RBFOX1: variants seen among roughly 807,000 people sequenced by gnomAD.
RBFOX1 encodes the protein RNA binding protein fox-1 homolog 1.
In RBFOX1, 8 loss-of-function variants were observed where a neutral mutation model predicts 57.7. The ratio of observed to expected loss-of-function variants is 0.14; its 90% CI spans 0.08 to 0.25. The LOEUF is 0.25. Among genes scored for constraint, RBFOX1 ranks in the 10% least tolerant of loss-of-function variants. RBFOX1 has a pLI of 1.00. For missense variants in RBFOX1, 611 were observed against 548.5 expected, an observed-to-expected ratio of 1.11 and a Z score of -1.14; for synonymous variants, 326 against 222.4, an observed-to-expected ratio of 1.47 and a Z score of -4.15.
At chr16:6,207,169 G>A (rs1403817373) in intron 1 of RBFOX1, among the ~76,000 whole-genome samples, 1 of 152,146 alleles carries the variant, frequency 6.6e-6, no homozygotes, top group African/African-American at 2.4e-5. Context: ...CCCTGCTGCT[G>A]CTGGACTCTT....
chr16:6,392,723 C>A (rs548415610), intron 2 of RBFOX1, among the ~76,000 whole-genome samples: 2 of 152,296 alleles, frequency 1.3e-5, no homozygotes, highest in South Asian at 2.1e-4. Context: ...CAGATTGGGA[C>A]CTTGAGAACT....
chr16:7,139,176 C>CTCTCTCTCTGTGTGTGTGTG (rs372381673), intron 4 of RBFOX1, among the ~76,000 whole-genome samples: 17 of 145,908 alleles, frequency 1.2e-4, no homozygotes, highest in Middle Eastern at 3.5e-3. Flanking sequence ...CAATCTCTCT[C>CTCTCTCTCTGTGTGTGTGTG]TGTGTGTGTG....
intron 3 of RBFOX1, among the ~76,000 whole-genome samples, chr16:5,678,902 C>T (rs2050247095): frequency 6.6e-6 from 1 of 152,132 alleles, no homozygotes; most frequent in Non-Finnish European, 1.5e-5. Flanking sequence ...GACAGATTCA[C>T]GGAAGAAGAG....
chr16:6,812,894 A>G (rs1603627892), intron 3 of RBFOX1, among the ~76,000 whole-genome samples: 3 of 152,192 alleles, frequency 2.0e-5, no homozygotes. Flanking sequence ...CCATCATGTC[A>G]GAGTGACGAT....
chr16:6,753,645 G>A (rs1241379344), intron 3 of RBFOX1, among the ~76,000 whole-genome samples: 4 of 152,160 alleles, frequency 2.6e-5, no homozygotes, highest in South Asian at 2.1e-4. Flanking sequence ...AAAAAGAAAC[G>A]TACTTCTCGC....
At chr16:6,150,660 C>G (rs1355769226) in intron 1 of RBFOX1, among the ~76,000 whole-genome samples, 1 of 152,150 alleles carries the variant, frequency 6.6e-6, no homozygotes, top group Non-Finnish European at 1.5e-5. Context: ...CGGAAATTAT[C>G]TCATTGCTGG....
intron 4 of RBFOX1, among the ~76,000 whole-genome samples, chr16:7,069,964 A>G (rs1432730551): frequency 1.3e-5 from 2 of 152,214 alleles, no homozygotes; most frequent in Non-Finnish European, 2.9e-5. Flanking sequence ...CCATAGCCTA[A>G]TAATTCCATC....
chr16:7,110,554 TAC>T (rs1334292990), intron 4 of RBFOX1, among the ~76,000 whole-genome samples: 1 of 152,084 alleles, frequency 6.6e-6, no homozygotes, highest in Non-Finnish European at 1.5e-5. Context: ...GAACTTCGAG[TAC>T]ACAGTGGCTA....
At chr16:6,487,581 A>G (rs770820624) in intron 2 of RBFOX1, among the ~76,000 whole-genome samples, 158 of 148,606 alleles carry the variant, frequency 1.1e-3, no homozygotes, top group South Asian at 2.1e-3. Context: ...GGCAAGCTCC[A>G]ATGTCATGAA....
intron 11 of RBFOX1, among the ~76,000 whole-genome samples, chr16:7,649,614 A>T (rs184270282): frequency 7.9e-5 from 12 of 152,334 alleles, no homozygotes; most frequent in African/African-American, 2.9e-4. Flanking sequence ...GTGTTATAGA[A>T]GGTGGACAGT....
rs77089742 is a variant in RBFOX1 at position 6,621,818 on chromosome 16, G to C, written c.-63-32785G>C. Among the ~76,000 whole-genome samples the C allele has an allele frequency of 6.5e-3, 988 of 152,234 alleles. 11 individuals carry two copies. Among genetic ancestry groups the C allele is most frequent in the Middle Eastern group, 0.02 (6 of 294 alleles). On this transcript the variant is annotated intron_variant, in intron 2 of 15. Transcript: ENST00000550418. ...CCAGATAAAGAACATACCATTTAAA[G>C]ACCACACACATCACACAAAACCTAT...
At chr16:5,572,938 G>T (rs2046331666) in intron 2 of RBFOX1, among the ~76,000 whole-genome samples, 1 of 152,178 alleles carries the variant, frequency 6.6e-6, no homozygotes, top group Admixed American at 6.5e-5. Flanking sequence ...TTCTCTGAGG[G>T]AGACTGGGGG....
chr16:6,932,220 C>T (rs117155404), intron 3 of RBFOX1, among the ~76,000 whole-genome samples: 24 of 152,288 alleles, frequency 1.6e-4, no homozygotes, highest in African/African-American at 3.6e-4. Context: ...TTCCCTGCCT[C>T]GGCCTCCCAA....
intron 2 of RBFOX1, among the ~76,000 whole-genome samples, chr16:6,387,366 T>G (rs1292882452): frequency 4.6e-5 from 7 of 152,098 alleles, no homozygotes; most frequent in Non-Finnish European, 1.5e-5. Context: ...CATTGGAATC[T>G]TGCTGTCCCA....
chr16:7,285,779 T>A (rs2095639367), intron 4 of RBFOX1, among the ~76,000 whole-genome samples: 1 of 152,224 alleles, frequency 6.6e-6, no homozygotes, highest in Admixed American at 6.5e-5. Context: ...TAACCATTCA[T>A]CTATTGATGG....
intron 3 of RBFOX1, among the ~76,000 whole-genome samples, chr16:5,622,480 G>T (rs750704536): frequency 6.6e-6 from 1 of 152,208 alleles, no homozygotes; most frequent in South Asian, 2.1e-4. Context: ...GAATTACAGA[G>T]TTAGGTCATC....
chr16:6,795,481 T>C (rs58081424), intron 3 of RBFOX1, among the ~76,000 whole-genome samples: 10,316 of 152,102 alleles, frequency 0.068, 1,115 homozygotes, highest in African/African-American at 0.22. Flanking sequence ...AAGAGAGACA[T>C]TGTTGGCTGC....
At chr16:5,948,536 G>A (rs929935282) in intron 4 of RBFOX1, among the ~76,000 whole-genome samples, 1 of 152,182 alleles carries the variant, frequency 6.6e-6, no homozygotes, top group South Asian at 2.1e-4. Flanking sequence ...GGGTTGGAGT[G>A]GCTAATTCAT....
chr16:7,155,196 A>C (rs895589157), intron 4 of RBFOX1, among the ~76,000 whole-genome samples: 1 of 152,168 alleles, frequency 6.6e-6, no homozygotes, highest in Non-Finnish European at 1.5e-5. Context: ...AATCAAGCTG[A>C]AACAAAGTTT....
Sources: allele counts gnomAD v4.1 joint callset (sites outside exome capture counted in the v4.1 genomes callset), GRCh38; gene constraint gnomAD v4.1.1; transcripts MANE v1.5; gene names NCBI Gene and HGNC (gene_info 2026-07-23, HGNC 2026-07-21).